Variants in FRMD4B observed in about 807,000 individuals in gnomAD.
FRMD4B encodes FERM domain-containing protein 4B.
A neutral mutation model predicts 141.5 loss-of-function variants in FRMD4B; 74 were observed. That is an observed-to-expected ratio of 0.52 (90% CI 0.43 to 0.63). FRMD4B has a LOEUF of 0.63. Among genes scored for constraint, FRMD4B ranks in the 30% least tolerant of loss-of-function variants. The pLI is 0.00. For missense variants in FRMD4B, 1,366 were observed against 1,253.4 expected (o/e 1.09, Z -1.36); for synonymous variants, 506 against 467.9 (o/e 1.08, Z -1.05).
In FRMD4B at chr3:69,302,377, T is replaced by C; in HGVS notation, c.382A>G (p.Lys128Glu). 1 of 1,609,664 alleles carries C rather than the reference T, an allele frequency of 6.2e-7. No homozygotes were observed. Among genetic ancestry groups the C allele is most frequent in the South Asian group, 1.1e-5 (1 of 90,112 alleles). ...AAGTGCAAAATGGTTGGGCCTGGTT[T>C]CTTGGGCAAATCGTGGTCAAGAACT... The part of the protein sequence containing the change: ...HRVLDHDLPK[K>E]PGPTILHFAV... The change falls in exon 4 of 23, where the codon AAA becomes GAA. Residue 128 changes from lysine (K) to glutamate (E), a missense_variant. Lys to Glu is a moderately conservative substitution (Grantham distance 56). Transcript: ENST00000398540.
intron 1 of FRMD4B, among the ~76,000 whole-genome samples, chr3:69,327,104 A>G (rs1228345639): frequency 6.6e-6 from 1 of 152,186 alleles, no homozygotes; most frequent in Non-Finnish European, 1.5e-5. Context: ...CAGGTTAACC[A>G]GAAATGAAAG....
chr3:69,268,935 T>C (rs902355503), intron 5 of FRMD4B, among the ~76,000 whole-genome samples: 28 of 151,712 alleles, frequency 1.8e-4, no homozygotes, highest in East Asian at 3.9e-4. Context: ...AGAATTTTTT[T>C]TTTTTTTTTT....
intron 11 of FRMD4B, among the ~76,000 whole-genome samples, chr3:69,207,530 T>G (rs1382934148): frequency 6.6e-6 from 1 of 151,486 alleles, no homozygotes; most frequent in Non-Finnish European, 1.5e-5. Context: ...CAATGGACAG[T>G]CAGGCACCGT....
At chr3:69,447,565 T>C (rs183062075) in intron 1 of FRMD4B, among the ~76,000 whole-genome samples, 2 of 152,342 alleles carry the variant, frequency 1.3e-5, no homozygotes, top group Admixed American at 6.5e-5. Flanking sequence ...TTTTTTTGAA[T>C]AAATTCAGGA....
At chr3:69,366,261 AAAAACAAAAAC>A (rs1235717799) in intron 1 of FRMD4B, among the ~76,000 whole-genome samples, 1 of 131,990 alleles carries the variant, frequency 7.6e-6, no homozygotes, top group Non-Finnish European at 1.6e-5. Flanking sequence ...CTCTGTCTCA[AAAAACAAAAAC>A]AAAAACAAAA....
intron 1 of FRMD4B, among the ~76,000 whole-genome samples, chr3:69,314,290 G>A (rs1250395292): frequency 1.3e-5 from 2 of 148,226 alleles, no homozygotes; most frequent in South Asian, 2.1e-4. Context: ...CACTTTGGGA[G>A]GCAGAGGCAG....
At chr3:69,338,711 T>C (rs77064692) in intron 1 of FRMD4B, among the ~76,000 whole-genome samples, 2,719 of 151,872 alleles carry the variant, frequency 0.018, 91 homozygotes, top group African/African-American at 0.062. Flanking sequence ...AGGGTGAGGA[T>C]CAAAAATCTA....
intron 7 of FRMD4B, 102 bp from the exon 8 acceptor site, chr3:69,224,792 A>C: frequency 1.5e-6 from 1 of 676,708 alleles, no homozygotes; most frequent in Non-Finnish European, 2.7e-6. Flanking sequence ...TATTTACAGC[A>C]TGTTGGAGCC....
At chr3:69,406,170 C>T (rs1040181695) in intron 2 of FRMD4B, among the ~76,000 whole-genome samples, 1 of 152,148 alleles carries the variant, frequency 6.6e-6, no homozygotes, top group African/African-American at 2.4e-5. Flanking sequence ...ACATGAGGTG[C>T]CAACAGCTAA....
intron 1 of FRMD4B, among the ~76,000 whole-genome samples, chr3:69,344,299 C>T (rs1388390174): frequency 2.0e-5 from 3 of 151,862 alleles, no homozygotes; most frequent in African/African-American, 7.3e-5. Context: ...AAATTTCTTT[C>T]TTTGTGAAAA....
intron 1 of FRMD4B, among the ~76,000 whole-genome samples, chr3:69,492,221 T>G (rs188037271): frequency 6.6e-6 from 1 of 152,294 alleles, no homozygotes; most frequent in Admixed American, 6.5e-5. Flanking sequence ...AATCCTGATT[T>G]TGGCACTTCT....
chr3:69,413,354 C>T (rs1205308513), intron 2 of FRMD4B, among the ~76,000 whole-genome samples: 1 of 152,150 alleles, frequency 6.6e-6, no homozygotes, highest in Non-Finnish European at 1.5e-5. Context: ...GTGATTTCCT[C>T]AAGGTCACTT....
intron 1 of FRMD4B, among the ~76,000 whole-genome samples, chr3:69,532,803 C>T (rs372845511): frequency 1.3e-5 from 2 of 152,200 alleles, no homozygotes; most frequent in South Asian, 2.1e-4. Flanking sequence ...AAGGGAAGCC[C>T]GACAACAATC....
intron 10 of FRMD4B, among the ~76,000 whole-genome samples, chr3:69,216,574 G>A (rs555175156): frequency 1.3e-5 from 2 of 151,998 alleles, no homozygotes; most frequent in South Asian, 4.2e-4. Context: ...GGGATTACAG[G>A]TGTGCACCAC....
chr3:69,467,161 G>C (rs1443744890), intron 1 of FRMD4B, among the ~76,000 whole-genome samples: 1 of 152,178 alleles, frequency 6.6e-6, no homozygotes, highest in Non-Finnish European at 1.5e-5. Context: ...AATGGGCTTT[G>C]GAGCCAATGA....
At chr3:69,188,368 T>C (rs115466504) in intron 18 of FRMD4B, among the ~76,000 whole-genome samples, 164 of 152,334 alleles carry the variant, frequency 1.1e-3, no homozygotes, top group African/African-American at 3.6e-3. Context: ...GCTGCATCTT[T>C]AGAGGCTTGT....
chr3:69,240,337 C>T (rs769658400), intron 7 of FRMD4B, among the ~76,000 whole-genome samples: 47 of 151,348 alleles, frequency 3.1e-4, no homozygotes, highest in Admixed American at 2.1e-3. Flanking sequence ...AAAAATTAGT[C>T]GGGCGTGGTG....
intron 5 of FRMD4B, among the ~76,000 whole-genome samples, chr3:69,260,749 C>A (rs564751698): frequency 6.6e-6 from 1 of 152,242 alleles, no homozygotes; most frequent in Non-Finnish European, 1.5e-5. Flanking sequence ...ACTTTTATGT[C>A]TAGCTGGAGG....
chr3:69,228,725 C>T (rs939155186), intron 7 of FRMD4B: 2 of 296,602 alleles, frequency 6.7e-6, no homozygotes, highest in Non-Finnish European at 6.7e-6. Context: ...GTGGTTTCAG[C>T]TACTTGGGAG....
Sources: allele counts gnomAD v4.1 joint callset (sites outside exome capture counted in the v4.1 genomes callset), GRCh38; gene constraint gnomAD v4.1.1; transcripts MANE v1.5; gene names NCBI Gene and HGNC (gene_info 2026-07-23, HGNC 2026-07-21).